SCFD2: variants seen among roughly 807,000 people sequenced by gnomAD.
SCFD2 encodes sec1 family domain-containing protein 2.
In SCFD2, 54 loss-of-function variants were observed where a neutral mutation model predicts 58.9. The observed-to-expected ratio is 0.92, with a 90% CI of 0.74 to 1.15. The LOEUF (loss-of-function observed/expected upper bound fraction) is 1.15. Ranked by LOEUF, SCFD2 falls within the 50% of genes most tolerant of loss-of-function variation. The pLI, the probability that SCFD2 is intolerant of heterozygous loss-of-function variation, is 0.00. For missense variants in SCFD2, 805 were observed against 836.6 expected, an observed-to-expected ratio of 0.96 and a Z score of 0.47; for synonymous variants, 321 against 335.9, an observed-to-expected ratio of 0.96 and a Z score of 0.49.
At chr4:53,182,682 G>A (rs137912765) in intron 4 of SCFD2, among the ~76,000 whole-genome samples, 2,824 of 152,036 alleles carry the variant, frequency 0.019, 76 homozygotes, top group African/African-American at 0.063. Flanking sequence ...GAGCTTCTGC[G>A]CAGCAAAAGA....
chr4:52,976,009 A>T (rs964120966), intron 5 of SCFD2, among the ~76,000 whole-genome samples: 1 of 110,138 alleles, frequency 9.1e-6, no homozygotes, highest in Non-Finnish European at 1.7e-5. Flanking sequence ...AACATCACAC[A>T]CTGGGGCCTG....
intron 3 of SCFD2, among the ~76,000 whole-genome samples, chr4:53,297,994 T>C (rs1188774703): frequency 6.6e-6 from 1 of 152,106 alleles, no homozygotes; most frequent in Non-Finnish European, 1.5e-5. Flanking sequence ...TAGGAACAGC[T>C]CCAGTCTACA....
intron 4 of SCFD2, among the ~76,000 whole-genome samples, chr4:53,262,958 TTTTC>T (rs1313885043): frequency 1.3e-5 from 2 of 152,134 alleles, no homozygotes; most frequent in African/African-American, 4.8e-5. Flanking sequence ...TAAAATTATT[TTTTC>T]TTTGTCTATG....
intron 3 of SCFD2, among the ~76,000 whole-genome samples, chr4:53,310,520 T>C (rs1732658612): frequency 1.3e-5 from 2 of 152,220 alleles, no homozygotes; most frequent in South Asian, 4.1e-4. Context: ...TTTCTAATGG[T>C]CTATTTGTTT....
At chr4:52,981,768 C>T (rs1027779621) in intron 5 of SCFD2, among the ~76,000 whole-genome samples, 1 of 152,066 alleles carries the variant, frequency 6.6e-6, no homozygotes, top group East Asian at 1.9e-4. Context: ...GAGCCACTAC[C>T]AGGGGTTTAC....
chr4:52,994,846 C>T (rs773832102), intron 5 of SCFD2, among the ~76,000 whole-genome samples: 2 of 151,896 alleles, frequency 1.3e-5, no homozygotes, highest in Non-Finnish European at 1.5e-5. Flanking sequence ...TCATCATTAC[C>T]ATCATCATCG....
chr4:53,273,093 CTA>C (rs749753018), intron 4 of SCFD2, among the ~76,000 whole-genome samples: 1 of 152,034 alleles, frequency 6.6e-6, no homozygotes, highest in East Asian at 1.9e-4. Flanking sequence ...AACTTTATCT[CTA>C]GTTTTATTTC....
chr4:52,888,835 T>C (rs1340306123), intron 7 of SCFD2, among the ~76,000 whole-genome samples: 1 of 152,226 alleles, frequency 6.6e-6, no homozygotes, highest in East Asian at 1.9e-4. Flanking sequence ...ATATCTTTTA[T>C]GTACCTCTCA....
intron 5 of SCFD2, among the ~76,000 whole-genome samples, chr4:53,035,291 G>A (rs1480122204): frequency 6.6e-6 from 1 of 152,130 alleles, no homozygotes; most frequent in Non-Finnish European, 1.5e-5. Context: ...ACTAAAACTG[G>A]ATCCCTTCCT....
chr4:53,336,943 T>C (rs1733703465), intron 2 of SCFD2, among the ~76,000 whole-genome samples: 1 of 152,194 alleles, frequency 6.6e-6, no homozygotes, highest in Admixed American at 6.5e-5. Context: ...AGAGAAAATG[T>C]GCTCAGTATC....
intron 4 of SCFD2, among the ~76,000 whole-genome samples, chr4:53,269,074 T>G (rs1731080699): frequency 6.6e-6 from 1 of 151,966 alleles, no homozygotes; most frequent in African/African-American, 2.4e-5. Context: ...AATCCCAACA[T>G]TTTGGTAGGC....
intron 4 of SCFD2, among the ~76,000 whole-genome samples, chr4:53,244,353 C>A (rs556197715): frequency 6.6e-5 from 10 of 152,158 alleles, no homozygotes; most frequent in African/African-American, 2.4e-4. Flanking sequence ...ACAATCCAAT[C>A]CTCAGTAAAT....
intron 3 of SCFD2, among the ~76,000 whole-genome samples, chr4:53,279,137 C>T (rs540694791): frequency 1.6e-4 from 24 of 152,288 alleles, no homozygotes; most frequent in African/African-American, 5.8e-4. Context: ...CCTTGACAGA[C>T]AGATTTACAT....
At chr4:52,968,415 T>C (rs1319642364) in intron 5 of SCFD2, among the ~76,000 whole-genome samples, 2 of 152,252 alleles carry the variant, frequency 1.3e-5, no homozygotes, top group Admixed American at 6.5e-5. Flanking sequence ...TACTTGGTTC[T>C]GTTTCATGGC....
intron 4 of SCFD2, among the ~76,000 whole-genome samples, chr4:53,152,573 G>A (rs925261147): frequency 2.0e-5 from 3 of 151,956 alleles, no homozygotes; most frequent in Non-Finnish European, 2.9e-5. Flanking sequence ...ATTTGGAGGG[G>A]GCAAATATCC....
chr4:53,331,649 G>T (rs1733475132), intron 2 of SCFD2, among the ~76,000 whole-genome samples: 1 of 152,134 alleles, frequency 6.6e-6, no homozygotes, highest in Non-Finnish European at 1.5e-5. Context: ...AAGAAGGAAA[G>T]ATCTAAAATT....
intron 2 of SCFD2, among the ~76,000 whole-genome samples, chr4:53,334,008 T>C (rs920698825): frequency 4.6e-5 from 7 of 151,538 alleles, no homozygotes; most frequent in Admixed American, 2.6e-4. Context: ...AAATGCTCAT[T>C]ATCACTGGCC....
intron 4 of SCFD2, among the ~76,000 whole-genome samples, chr4:53,253,500 C>A (rs1301372791): frequency 2.0e-5 from 3 of 152,018 alleles, no homozygotes; most frequent in South Asian, 4.1e-4. Context: ...AAATGTCCAA[C>A]AATGATAGAC....
intron 3 of SCFD2, among the ~76,000 whole-genome samples, chr4:53,311,776 C>T (rs1732699609): frequency 2.6e-5 from 4 of 152,042 alleles, no homozygotes; most frequent in Middle Eastern, 3.4e-3. Flanking sequence ...GGTGGGACTA[C>T]AGGTGCGCGC....
Sources: gnomAD v4.1 joint callset for allele counts (sites outside exome capture counted in the v4.1 genomes callset) on GRCh38, gnomAD v4.1.1 for gene constraint, MANE v1.5 for transcripts, NCBI Gene and HGNC (gene_info 2026-07-23, HGNC 2026-07-21) for gene names.